The following RASGRP3 variants were observed in gnomAD, a reference collection of about 807,000 sequenced individuals.
RASGRP3 encodes ras guanyl-releasing protein 3.
A neutral mutation model predicts 82.7 loss-of-function variants in RASGRP3; 54 were observed. The ratio of observed to expected loss-of-function variants is 0.65; its 90% CI spans 0.52 to 0.82. The LOEUF (loss-of-function observed/expected upper bound fraction) is 0.82. RASGRP3 is among the 40% of genes least tolerant of loss of function. The pLI, the probability that RASGRP3 is intolerant of heterozygous loss-of-function variation, is 0.00. For synonymous variants in RASGRP3, 309 were observed against 300.5 expected (o/e 1.03, Z -0.29); for missense variants, 861 against 828.9 (o/e 1.04, Z -0.48).
intron 2 of RASGRP3, among the ~76,000 whole-genome samples, chr2:33,465,404 A>G (rs1187239866): frequency 2.0e-5 from 3 of 152,206 alleles, no homozygotes; most frequent in East Asian, 3.8e-4. Context: ...CCATAACATA[A>G]AAGTACAAGG....
At chr2:33,536,975 G>T (rs987950198) in intron 11 of RASGRP3, among the ~76,000 whole-genome samples, 1 of 152,092 alleles carries the variant, frequency 6.6e-6, no homozygotes, top group African/African-American at 2.4e-5. Flanking sequence ...CCAGCTCAGT[G>T]GAGAGTCAGG....
chr2:33,456,434 T>C (rs1460621412), intron 2 of RASGRP3, among the ~76,000 whole-genome samples: 2 of 152,246 alleles, frequency 1.3e-5, no homozygotes, highest in Non-Finnish European at 2.9e-5. Flanking sequence ...ACATAATCCA[T>C]ATCTTTTGTT....
intron 4 of RASGRP3, among the ~76,000 whole-genome samples, chr2:33,517,998 G>A (rs781759966): frequency 6.6e-6 from 1 of 152,052 alleles, no homozygotes; most frequent in Non-Finnish European, 1.5e-5. Flanking sequence ...GAATAAATAC[G>A]CTTACAAGTA....
At chr2:33,463,931 C>T (rs1666526414) in intron 2 of RASGRP3, among the ~76,000 whole-genome samples, 1 of 151,562 alleles carries the variant, frequency 6.6e-6, no homozygotes, top group African/African-American at 2.4e-5. Context: ...CATGTGCATA[C>T]CTCATTTTAC....
chr2:33,488,791 A>C (rs1668607715), intron 1 of RASGRP3, among the ~76,000 whole-genome samples: 1 of 152,228 alleles, frequency 6.6e-6, no homozygotes, highest in South Asian at 2.1e-4. Context: ...ATTAAAAATC[A>C]AGTTGAGATG....
chr2:33,479,883 T>C (rs11694023), intron 1 of RASGRP3, among the ~76,000 whole-genome samples: 13,909 of 151,728 alleles, frequency 0.092, 764 homozygotes, highest in Middle Eastern at 0.12. Context: ...GAGCACCAGG[T>C]AGTATGTAAT....
rs1335137754 is a variant in RASGRP3, at chr2:33,446,060, C to G, written c.-384-1760C>G. Among the ~76,000 whole-genome samples the G allele has an allele frequency of 2.6e-5, 4 of 152,302 alleles. No homozygotes were observed. The South Asian group carries it at 8.3e-4, about 32-fold the overall frequency. The stretch of plus-strand genomic sequence containing the variant: ...TCTAATTTTACTGTTAAACTTTGTG[C>G]TTGCCTTTTCCTGAAGGACAAAGTA... On this transcript the variant is annotated intron_variant, in intron 1 of 18. Transcript: ENST00000402538.
intron 17 of RASGRP3, among the ~76,000 whole-genome samples, chr2:33,561,930 T>G (rs1676705480): frequency 6.6e-6 from 1 of 152,242 alleles, no homozygotes; most frequent in Non-Finnish European, 1.5e-5. Flanking sequence ...CTTCTTCTTT[T>G]GTTTTCCTTT....
At chr2:33,496,111 A>G (rs1326197449) in intron 1 of RASGRP3, among the ~76,000 whole-genome samples, 1 of 152,254 alleles carries the variant, frequency 6.6e-6, no homozygotes, top group Admixed American at 6.5e-5. Context: ...TAGGGGCTAA[A>G]TCTGTTTATA....
intron 1 of RASGRP3, chr2:33,436,740 A>G (rs1406949018): frequency 6.6e-6 from 1 of 152,236 alleles, no homozygotes; most frequent in African/African-American, 2.4e-5. Flanking sequence ...AGAAATGTAG[A>G]AATCAACCTT....
At position 33,558,115 on chromosome 2, in the gene RASGRP3, G is replaced by A. The variant is rs1053976072; in HGVS notation, c.1580-96G>A. On this transcript the variant is annotated intron_variant, in intron 15 of 17. Coordinates refer to ENST00000403687, the MANE Select transcript of RASGRP3 (RefSeq NM_001139488.2). ...TCTGAAATTCAACACAGAAACTGGG[G>A]TGGGGGAGGGGAGGGCTGACAAATC... The A allele has an allele frequency of 1.4e-5, 20 of 1,464,438 alleles. No homozygotes were observed. In the African/African-American group the frequency reaches 2.1e-4, roughly 15 times the overall value. 90.7% of individuals were successfully genotyped at this position (1,464,438 alleles called of 1,614,324 possible).
chr2:33,529,505 G>C (rs1042799463), intron 10 of RASGRP3, among the ~76,000 whole-genome samples: 8 of 49,210 alleles, frequency 1.6e-4, no homozygotes, highest in African/African-American at 6.3e-4. Context: ...AAAAAATTCA[G>C]GAGTACAAAT....
At chr2:33,471,043 A>G (rs886721681) in intron 2 of RASGRP3, among the ~76,000 whole-genome samples, 32 of 152,144 alleles carry the variant, frequency 2.1e-4, no homozygotes, top group Non-Finnish European at 5.9e-5. Flanking sequence ...TAATACTTCC[A>G]GTATTTTACC....
intron 12 of RASGRP3, chr2:33,539,714 G>C (rs1264135458): frequency 2.0e-5 from 3 of 152,344 alleles, no homozygotes; most frequent in African/African-American, 7.2e-5. Flanking sequence ...GTAGAAAAAA[G>C]AGTAGGGCCG....
At chr2:33,550,210 T>C (rs1675228079) in intron 14 of RASGRP3, among the ~76,000 whole-genome samples, 2 of 152,230 alleles carry the variant, frequency 1.3e-5, no homozygotes, top group African/African-American at 4.8e-5. Flanking sequence ...AAGCTGGTTA[T>C]AATAATAAAT....
In RASGRP3 at chr2:33,469,540, A is replaced by C. The variant is rs143562565; in HGVS notation, c.-261+21597A>C. 4.0e-3 allele frequency among the ~76,000 whole-genome samples: 602 copies of C among 151,532 alleles called. 1 individual carries two copies. Among genetic ancestry groups the C allele is most frequent in the Non-Finnish European group, 6.5e-3 (444 of 67,882 alleles). ...AGTGGCGCGATCTTGACTCACTGCA[A>C]CCTCCACCTCCTGGGCTCAAGTGAT... On this transcript the variant is annotated intron_variant, in intron 2 of 18. Coordinates refer to the RASGRP3 transcript ENST00000402538.
chr2:33,483,603 C>G (rs1449605748), intron 1 of RASGRP3, among the ~76,000 whole-genome samples: 1 of 151,536 alleles, frequency 6.6e-6, no homozygotes, highest in Admixed American at 6.6e-5. Context: ...ATTCTCCTGC[C>G]TCAGCCTCCT....
At chr2:33,458,266 A>G (rs965185589) in intron 2 of RASGRP3, 1 of 152,204 alleles carries the variant, frequency 6.6e-6, no homozygotes, top group Admixed American at 6.5e-5. Flanking sequence ...TAATCCTTTA[A>G]TGAGTAGCTT....
At chr2:33,437,454 G>C (rs1664986734) in intron 1 of RASGRP3, among the ~76,000 whole-genome samples, 1 of 152,158 alleles carries the variant, frequency 6.6e-6, no homozygotes, top group Non-Finnish European at 1.5e-5. Flanking sequence ...TTGTGTCTTG[G>C]AGTAACTTGA....
Sources: allele counts gnomAD v4.1 joint callset (sites outside exome capture counted in the v4.1 genomes callset), GRCh38; gene constraint gnomAD v4.1.1; transcripts MANE v1.5; gene names NCBI Gene and HGNC (gene_info 2026-07-23, HGNC 2026-07-21).